Variants in ARHGAP42 observed in about 807,000 individuals in gnomAD.
The protein encoded by ARHGAP42 is rho GTPase-activating protein 42.
A neutral mutation model predicts 125.0 loss-of-function variants in ARHGAP42; 63 were observed. The ratio of observed to expected loss-of-function variants is 0.50; its 90% CI spans 0.41 to 0.62. ARHGAP42 has a LOEUF of 0.62. Among genes scored for constraint, ARHGAP42 ranks in the 20% least tolerant of loss-of-function variants. The pLI is 0.00. For synonymous variants in ARHGAP42, 339 were observed against 351.0 expected (o/e 0.97, Z 0.38); for missense variants, 766 against 1,024.2 (o/e 0.75, Z 3.44).
In ARHGAP42 at chr11:100,976,282, A is replaced by G. The variant is rs1270023373; in HGVS notation, c.2081A>G (p.Lys694Arg). The part of the protein sequence containing the change: ...PESSSREDAT[K>R]TDAESDCQSV... ...TCAAGTTCCAGAGAAGATGCAACCA[A>G]GACAGATGCAGAATCAGACTGCCAG... Residue 694 changes from lysine (K) to arginine (R), a missense_variant, in exon 20 of 24, where the codon AAG becomes AGG. Around this residue, in one of 3 missense-constraint regions of ARHGAP42, gnomAD observed 308 missense variants for 369.7 expected, o/e 0.83. Coordinates refer to ENST00000298815, the MANE Select transcript of ARHGAP42 (RefSeq NM_152432.4). 2.6e-6 allele frequency: 4 copies of G among 1,551,618 alleles called. No individual in the cohort carries two copies. The highest frequency in any genetic ancestry group is 3.5e-6 in the Non-Finnish European group (4 of 1,146,926).
chr11:100,703,694 A>T (rs1375375536), intron 1 of ARHGAP42, among the ~76,000 whole-genome samples: 1 of 152,242 alleles, frequency 6.6e-6, no homozygotes, highest in African/African-American at 2.4e-5. Flanking sequence ...ATGAACAGAC[A>T]GTATAGATTT....
chr11:100,890,237 GCT>G (rs1866186861), intron 4 of ARHGAP42, among the ~76,000 whole-genome samples: 1 of 152,114 alleles, frequency 6.6e-6, no homozygotes, highest in Admixed American at 6.6e-5. Flanking sequence ...AACGTATTCA[GCT>G]CTCTCAGCCA....
chr11:100,806,605 T>A (rs66630610), intron 3 of ARHGAP42, among the ~76,000 whole-genome samples: 26,714 of 135,068 alleles, frequency 0.2, 2,634 homozygotes, highest in African/African-American at 0.32. Flanking sequence ...TTAAAAAAAA[T>A]AATAATAAAT....
intron 3 of ARHGAP42, among the ~76,000 whole-genome samples, chr11:100,804,964 G>A (rs1011800585): frequency 1.3e-5 from 2 of 152,188 alleles, no homozygotes; most frequent in Non-Finnish European, 2.9e-5. Context: ...TGTGTTTGTT[G>A]TTATGTGCCT....
In ARHGAP42 at chr11:100,892,216, T is replaced by G. The variant is rs187709898; in HGVS notation, c.385-21236T>G. Reference sequence around the variant, plus strand: ...TTTAAATTAATTATTCTAACTAAAATATGGATAATGAATAGGGAGAAGGAA... The same window carrying G: ...TTTAAATTAATTATTCTAACTAAAAGATGGATAATGAATAGGGAGAAGGAA... On this transcript the variant is annotated intron_variant, in intron 4 of 23. Transcript: ENST00000298815. 4.0e-4 allele frequency among the ~76,000 whole-genome samples: 61 copies of G among 152,310 alleles called. No individual in the cohort carries two copies. In the East Asian group the frequency reaches 9.3e-3, roughly 23 times the overall value.
chr11:100,883,922 T>C (rs1866021322), intron 4 of ARHGAP42, among the ~76,000 whole-genome samples: 2 of 152,146 alleles, frequency 1.3e-5, no homozygotes. Flanking sequence ...TCCAGGACAG[T>C]TTATCATGTC....
intron 3 of ARHGAP42, among the ~76,000 whole-genome samples, chr11:100,849,439 A>G (rs1157422339): frequency 6.6e-6 from 1 of 152,218 alleles, no homozygotes; most frequent in Non-Finnish European, 1.5e-5. Context: ...CCTGTGCTCA[A>G]ACGCCTGGGA....
chr11:100,984,022 TG>T (rs1050846055), intron 22 of ARHGAP42, among the ~76,000 whole-genome samples: 60 of 151,230 alleles, frequency 4.0e-4, no homozygotes, highest in Middle Eastern at 3.4e-3. Context: ...GAAGCTAAGA[TG>T]GGAAGATCAC....
chr11:100,728,437 C>T (rs543328417), intron 1 of ARHGAP42, among the ~76,000 whole-genome samples: 9 of 152,120 alleles, frequency 5.9e-5, no homozygotes, highest in East Asian at 3.9e-4. Flanking sequence ...GGGCAAGAGA[C>T]GGTAACACTG....
At chr11:100,855,941 A>G (rs966656887) in intron 3 of ARHGAP42, among the ~76,000 whole-genome samples, 4 of 152,154 alleles carry the variant, frequency 2.6e-5, no homozygotes, top group South Asian at 4.1e-4. Flanking sequence ...CTTAATTACC[A>G]TAATAAGGTA....
At chr11:100,966,186 C>T (rs78714848) in intron 17 of ARHGAP42, among the ~76,000 whole-genome samples, 5,925 of 152,170 alleles carry the variant, frequency 0.039, 164 homozygotes, top group East Asian at 0.11. Context: ...TAGATTCCCT[C>T]CATGTATTCA....
At chr11:100,911,366 A>G (rs1866911988) in intron 4 of ARHGAP42, among the ~76,000 whole-genome samples, 1 of 152,186 alleles carries the variant, frequency 6.6e-6, no homozygotes, top group Non-Finnish European at 1.5e-5. Flanking sequence ...TAAGTAGAAC[A>G]TGAACCCTAG....
chr11:100,695,259 G>T (rs1044052608), intron 1 of ARHGAP42, among the ~76,000 whole-genome samples: 1 of 152,314 alleles, frequency 6.6e-6, no homozygotes, highest in Admixed American at 6.5e-5. Flanking sequence ...TAATTATTTT[G>T]TCTTTGGCTA....
At chr11:100,984,698 G>A (rs1858629899) in intron 22 of ARHGAP42, among the ~76,000 whole-genome samples, 1 of 151,858 alleles carries the variant, frequency 6.6e-6, no homozygotes, top group Non-Finnish European at 1.5e-5. Context: ...AATGATAAGG[G>A]AAGAAATGGC....
intron 3 of ARHGAP42, among the ~76,000 whole-genome samples, chr11:100,812,780 G>A (rs1297737608): frequency 6.6e-6 from 1 of 152,224 alleles, no homozygotes; most frequent in East Asian, 1.9e-4. Context: ...GGGAAAGTGG[G>A]AAGAGATAAA....
At chr11:100,892,577 T>C (rs622957) in intron 4 of ARHGAP42, among the ~76,000 whole-genome samples, 70,555 of 151,946 alleles carry the variant, frequency 0.46, 18,500 homozygotes, top group African/African-American at 0.69. Context: ...TGGAACTGAT[T>C]ACATATGATA....
At chr11:100,844,631 T>C (rs1302978398) in intron 3 of ARHGAP42, among the ~76,000 whole-genome samples, 1 of 151,242 alleles carries the variant, frequency 6.6e-6, no homozygotes, top group African/African-American at 2.4e-5. Flanking sequence ...AAAAGTGGGA[T>C]AAGGACAGGA....
At chr11:100,927,922 T>G (rs966632992) in intron 6 of ARHGAP42, among the ~76,000 whole-genome samples, 1 of 152,242 alleles carries the variant, frequency 6.6e-6, no homozygotes, top group Admixed American at 6.5e-5. Flanking sequence ...CTGGCCACTT[T>G]CCATTCTTGG....
chr11:100,870,679 A>T (rs1258572053), intron 4 of ARHGAP42, among the ~76,000 whole-genome samples: 1 of 152,216 alleles, frequency 6.6e-6, no homozygotes, highest in East Asian at 1.9e-4. Flanking sequence ...AACACAAACA[A>T]GTACTCAATA....
Sources: allele counts gnomAD v4.1 joint callset (sites outside exome capture counted in the v4.1 genomes callset), GRCh38; gene constraint gnomAD v4.1.1; regional missense constraint gnomAD v4.1.1; transcripts MANE v1.5; gene names NCBI Gene and HGNC (gene_info 2026-07-23, HGNC 2026-07-21).